The following SPP2 variants were observed in gnomAD, a reference collection of about 807,000 sequenced individuals.
SPP2 encodes secreted phosphoprotein 24.
In SPP2, 34 loss-of-function variants were observed where a neutral mutation model predicts 28.8. The observed-to-expected ratio is 1.18, with a 90% CI of 0.90 to 1.57. SPP2 has a LOEUF of 1.57. Ranked by LOEUF, SPP2 falls within the 40% of genes most tolerant of loss-of-function variation. The pLI is 0.00. For synonymous variants in SPP2, 96 were observed against 89.4 expected, an observed-to-expected ratio of 1.07 and a Z score of -0.42; for missense variants, 269 against 263.9, an observed-to-expected ratio of 1.02 and a Z score of -0.13.
At chr2:234,064,941 C>G (rs1693788825) in intron 4 of SPP2, among the ~76,000 whole-genome samples, 1 of 152,198 alleles carries the variant, frequency 6.6e-6, no homozygotes, top group South Asian at 2.1e-4. Flanking sequence ...TTGATCCATT[C>G]ATTCATTGAT....
intron 2 of SPP2, among the ~76,000 whole-genome samples, chr2:234,053,948 G>T (rs556825864): frequency 1.3e-5 from 2 of 152,204 alleles, no homozygotes; most frequent in East Asian, 1.9e-4. Context: ...GGAAGAAAGG[G>T]GAAGAGGAAG....
chr2:234,060,296 C>T, intron 3 of SPP2, 73 bp from the exon 4 acceptor site: 1 of 976,338 alleles, frequency 1.0e-6, no homozygotes, highest in Non-Finnish European at 1.6e-6. Flanking sequence ...ATTTATTTTC[C>T]TGATTTACTC....
chr2:234,057,144 C>G lies in SPP2; in HGVS notation c.211-1692C>G, dbSNP rs184890917. Among the ~76,000 whole-genome samples, 3 of 152,196 alleles carry G rather than the reference C, an allele frequency of 2.0e-5. No individual in the cohort carries two copies. The East Asian group carries it at 5.8e-4, about 29-fold the overall frequency. ...GGCTCCCCACTGGCTTCCTGCTGCC[C>G]CCTTGTTCCTGCCCCAATCTGTTTA... On this transcript the variant is annotated intron_variant, in intron 2 of 7. Transcript: ENST00000168148.
chr2:234,050,760 G>A lies in SPP2; in HGVS notation c.-27G>A, dbSNP rs1335628149. On this transcript the variant is annotated 5_prime_UTR_variant, in exon 1 of 8. Coordinates refer to ENST00000168148, the MANE Select transcript of SPP2 (RefSeq NM_006944.3). ...ACTGTCATCCCCAAACACATAGAGA[G>A]ACACTCTCTGTCTCTCGATTACAAT... The A allele has an allele frequency of 1.2e-6, 2 of 1,606,000 alleles. No homozygotes were observed. Among genetic ancestry groups the A allele is most frequent in the East Asian group, 4.5e-5 (2 of 44,838 alleles).
intron 6 of SPP2, 121 bp downstream of exon 6, chr2:234,067,395 A>G (rs1693843905): frequency 2.1e-6 from 2 of 932,238 alleles, no homozygotes; most frequent in Admixed American, 4.7e-5. Flanking sequence ...AATACAAAAT[A>G]TTTTAAGTAA....
At chr2:234,068,048 A>C (rs1034158131) in intron 6 of SPP2, among the ~76,000 whole-genome samples, 1 of 152,152 alleles carries the variant, frequency 6.6e-6, no homozygotes, top group African/African-American at 2.4e-5. Flanking sequence ...ATACTCAACC[A>C]AATTTCTCAC....
chr2:234,058,957 T>C lies in SPP2; in HGVS notation c.332T>C (p.Val111Ala), dbSNP rs1340500662. The C allele has an allele frequency of 1.9e-6, 3 of 1,612,716 alleles. No individual in the cohort carries two copies. The highest frequency in any genetic ancestry group is 1.3e-5 in the African/African-American group (1 of 74,866). The change falls in exon 3 of 8, where the codon GTG becomes GCG. Residue 111 changes from valine (V) to alanine (A), a missense_variant and splice_region_variant. Physicochemically the swap from Val to Ala is moderately conservative, Grantham distance 64. Transcript: ENST00000168148. ...ATCAFQRDYY[V>A]STAVCRSTVK... The stretch of plus-strand genomic sequence containing the variant: ...TGTGCCTTCCAGAGGGACTACTATG[T>C]GGTAAGTGGGAGGAGACCCATCCCA...
intron 7 of SPP2, among the ~76,000 whole-genome samples, chr2:234,070,337 G>GTCCT (rs966894520): frequency 6.6e-6 from 1 of 152,142 alleles, no homozygotes; most frequent in Non-Finnish European, 1.5e-5. Flanking sequence ...CCTTCCCTCC[G>GTCCT]TCCTTCCTTC....
intron 4 of SPP2, among the ~76,000 whole-genome samples, chr2:234,065,100 A>G (rs1693791593): frequency 6.6e-6 from 1 of 152,206 alleles, no homozygotes; most frequent in Admixed American, 6.5e-5. Context: ...ATGACCGTAT[A>G]GTGACTTTAT....
At chr2:234,068,166 C>G (rs764798826) in intron 6 of SPP2, among the ~76,000 whole-genome samples, 1 of 152,166 alleles carries the variant, frequency 6.6e-6, no homozygotes, top group Non-Finnish European at 1.5e-5. Flanking sequence ...CTTATATAGA[C>G]GAATAAAGCA....
At chr2:234,051,186 C>A in intron 2 of SPP2, 91 bp downstream of exon 2, 1 of 1,509,700 alleles carries the variant, frequency 6.6e-7, no homozygotes, top group Admixed American at 1.9e-5. Context: ...AAATTTTCTC[C>A]AGTTTAAAAA....
At chr2:234,074,368 C>T (rs1690856015) in intron 7 of SPP2, among the ~76,000 whole-genome samples, 1 of 152,120 alleles carries the variant, frequency 6.6e-6, no homozygotes, top group African/African-American at 2.4e-5. Flanking sequence ...GTCCCTAAAA[C>T]CTGCACCACC....
At chr2:234,071,020 T>G (rs1690766642) in intron 7 of SPP2, among the ~76,000 whole-genome samples, 1 of 152,170 alleles carries the variant, frequency 6.6e-6, no homozygotes, top group Non-Finnish European at 1.5e-5. Context: ...CTCCCTTTCT[T>G]AATTGATGGC....
intron 7 of SPP2, among the ~76,000 whole-genome samples, chr2:234,075,269 G>C (rs1424702498): frequency 6.6e-6 from 1 of 152,126 alleles, no homozygotes; most frequent in Non-Finnish European, 1.5e-5. Flanking sequence ...TGACTAATGA[G>C]GATTGACTGC....
chr2:234,054,013 G>A (rs979525036), intron 2 of SPP2, among the ~76,000 whole-genome samples: 1 of 152,206 alleles, frequency 6.6e-6, no homozygotes, highest in Admixed American at 6.5e-5. Context: ...TACCGTAGAG[G>A]AGGGTAAGCA....
At chr2:234,054,501 G>T (rs1693567399) in intron 2 of SPP2, among the ~76,000 whole-genome samples, 1 of 152,178 alleles carries the variant, frequency 6.6e-6, no homozygotes, top group African/African-American at 2.4e-5. Context: ...GGATGAGGGT[G>T]CCAGCATGGT....
intron 2 of SPP2, among the ~76,000 whole-genome samples, chr2:234,052,618 T>C (rs181925114): frequency 1.9e-4 from 29 of 152,264 alleles, no homozygotes; most frequent in Non-Finnish European, 3.7e-4. Context: ...TAAAAATAGA[T>C]ACAATTATAT....
At position 234,050,745 on chromosome 2, in the gene SPP2, C is replaced by T; in HGVS notation, c.-42C>T. On this transcript the variant is annotated 5_prime_UTR_variant, in exon 1 of 8. Transcript: ENST00000168148. The stretch of plus-strand genomic sequence containing the variant: ...CTCCTCTTAGGAAGAACTGTCATCC[C>T]CAAACACATAGAGAGACACTCTCTG... 6.3e-7 allele frequency: 1 copy of T among 1,577,928 alleles called. No homozygotes were observed. Among genetic ancestry groups the T allele is most frequent in the Non-Finnish European group, 8.7e-7 (1 of 1,148,060 alleles).
intron 4 of SPP2, among the ~76,000 whole-genome samples, chr2:234,063,915 G>A (rs916147347): frequency 2.0e-5 from 3 of 152,072 alleles, no homozygotes; most frequent in Admixed American, 2.0e-4. Context: ...AGGGGTGACG[G>A]GCATTTAATT....
Sources: gnomAD v4.1 joint callset for allele counts (sites outside exome capture counted in the v4.1 genomes callset) on GRCh38, gnomAD v4.1.1 for gene constraint, MANE v1.5 for transcripts, NCBI Gene and HGNC (gene_info 2026-07-23, HGNC 2026-07-21) for gene names.